EHMT1: variants seen among roughly 807,000 people sequenced by gnomAD.
The protein encoded by EHMT1 is euchromatic histone lysine methyltransferase 1.
A neutral mutation model predicts 147.2 loss-of-function variants in EHMT1; 15 were observed. That is an observed-to-expected ratio of 0.10 (90% CI 0.07 to 0.16). EHMT1 has a LOEUF of 0.16. Ranked by LOEUF, EHMT1 falls within the 10% of genes least tolerant of loss-of-function variation. The pLI is 1.00. For missense variants in EHMT1, 1,587 were observed against 1,772.4 expected (o/e 0.90, Z 1.88); for synonymous variants, 795 against 709.6 (o/e 1.12, Z -1.91).
At chr9:137,673,698 T>C (rs1940934020) in intron 1 of EHMT1, among the ~76,000 whole-genome samples, 1 of 152,252 alleles carries the variant, frequency 6.6e-6, no homozygotes, top group South Asian at 2.1e-4. Context: ...GGGCTGCCAG[T>C]GTTCATCAGT....
At chr9:137,750,733 G>A (rs937688233) in intron 6 of EHMT1, among the ~76,000 whole-genome samples, 16 of 152,216 alleles carry the variant, frequency 1.1e-4, no homozygotes, top group African/African-American at 3.1e-4. Flanking sequence ...CACAGTGGGG[G>A]ACACCGGAGC....
intron 1 of EHMT1, among the ~76,000 whole-genome samples, chr9:137,698,988 C>T (rs560129330): frequency 2.5e-4 from 38 of 151,488 alleles, no homozygotes; most frequent in Middle Eastern, 3.5e-3. Context: ...CAGGAGGCCA[C>T]GCACTGGGAA....
At chr9:137,667,251 A>C (rs544759329) in intron 1 of EHMT1, 1 of 152,348 alleles carries the variant, frequency 6.6e-6, no homozygotes, top group South Asian at 2.1e-4. Flanking sequence ...CTGATGCAGG[A>C]ATGTTTTTGA....
intron 9 of EHMT1, among the ~76,000 whole-genome samples, chr9:137,762,201 TGTA>T (rs1051612499): frequency 2.6e-5 from 4 of 152,232 alleles, no homozygotes; most frequent in African/African-American, 9.6e-5. Context: ...TTTGGACTAT[TGTA>T]GTAGGTGAGT....
At chr9:137,791,085 C>T (rs540326379) in intron 16 of EHMT1, 115 bp downstream of exon 16, 1 of 1,542,010 alleles carries the variant, frequency 6.5e-7, no homozygotes, top group Non-Finnish European at 8.9e-7. Flanking sequence ...ACACACTGAC[C>T]CAGTTGTCCA....
intron 1 of EHMT1, chr9:137,646,299 T>G: frequency 3.1e-6 from 3 of 967,674 alleles, no homozygotes; most frequent in Non-Finnish European, 3.7e-6. Flanking sequence ...AAATTTAAAA[T>G]GATGTCTGTG....
intron 10 of EHMT1, among the ~76,000 whole-genome samples, chr9:137,772,310 T>C (rs73576118): frequency 5.5e-4 from 84 of 152,208 alleles, no homozygotes; most frequent in African/African-American, 1.9e-3. Context: ...GGGGATACAT[T>C]TTACGTTTGT....
chr9:137,711,653 G>A (rs183975601), intron 2 of EHMT1, among the ~76,000 whole-genome samples: 10 of 152,102 alleles, frequency 6.6e-5, no homozygotes, highest in East Asian at 1.9e-4. Context: ...GAGGGGAGTC[G>A]GCGGGGCTGC....
rs751689390 is a variant in EHMT1, at chr9:137,813,464, C to T, written c.3114C>T (p.Tyr1038=). The part of the protein sequence containing the change: ...AVDSEPCPSN[Y]KYVSQNCVTS... ...ACAGCGAGCCATGCCCCAGCAACTA[C>T]AAGTACGTCTCTCAGAACTGCGTGA... The change falls in exon 21 of 27, where the codon TAC becomes TAT. Residue 1038 remains tyrosine (Y), a synonymous_variant. Coordinates refer to ENST00000460843, the MANE Select transcript of EHMT1 (RefSeq NM_024757.5). This position sits in a 1 kb window ranked among gnomAD's most constrained non-coding sequence, Gnocchi z 4.9. 1.9e-6 allele frequency: 3 copies of T among 1,614,092 alleles called. No homozygotes were observed. Among genetic ancestry groups the T allele is most frequent in the Non-Finnish European group, 2.5e-6 (3 of 1,180,034 alleles).
chr9:137,669,320 CGCCCCCACAGCACGTGG>C (rs1940136278), intron 1 of EHMT1, among the ~76,000 whole-genome samples: 3 of 146,076 alleles, frequency 2.1e-5, no homozygotes, highest in African/African-American at 5.1e-5. Flanking sequence ...CCTGGAAAGA[CGCCCCCACAGCACGTGG>C]ACCCCACACC....
rs1950869646 is a variant in EHMT1 at position 137,775,190 on chromosome 9, G to T, written c.1729G>T (p.Asp577Tyr). ...NKAPLLVLCE[D>Y]HRGRMVKHQC... is the part of the protein sequence containing the mutation. ...GGCCCCGCTCCTCGTGCTGTGTGAAGACCACCGGGGCCGCATGGTGAAGCA... is the reference window on the plus strand; with the variant it reads ...GGCCCCGCTCCTCGTGCTGTGTGAATACCACCGGGGCCGCATGGTGAAGCA... The change falls in exon 11 of 27, where the codon GAC becomes TAC. Residue 577 changes from aspartate to tyrosine, a missense_variant. Physicochemically the swap from Asp to Tyr is radical, Grantham distance 160. Coordinates refer to ENST00000460843, the MANE Select transcript of EHMT1 (RefSeq NM_024757.5). The surrounding 1 kb of genome is among the most constrained non-coding windows in gnomAD (Gnocchi z 6.1). 2 of 1,613,762 alleles carry T rather than the reference G, an allele frequency of 1.2e-6. No homozygotes were observed. Among genetic ancestry groups the T allele is most frequent in the Non-Finnish European group, 1.7e-6 (2 of 1,180,032 alleles).
Position 137,731,032 on chromosome 9 carries a change from T to C in EHMT1, c.823+2503T>C, listed in dbSNP as rs1033657399. Among the ~76,000 whole-genome samples the C allele has an allele frequency of 3.9e-5, 6 of 152,212 alleles. No individual in the cohort carries two copies. The highest frequency in any genetic ancestry group is 3.3e-4 in the Admixed American group (5 of 15,280). On this transcript the variant is annotated intron_variant, in intron 4 of 26. Transcript: ENST00000460843. The surrounding 1 kb of genome is among the most constrained non-coding windows in gnomAD (Gnocchi z 4.3). Reference sequence around the variant, plus strand: ...TAATGTCTGAAGAGTTGTTAAAGTGTTGAGATTTTCTTTTCCTATTTTAGC... The same window carrying C: ...TAATGTCTGAAGAGTTGTTAAAGTGCTGAGATTTTCTTTTCCTATTTTAGC...
intron 4 of EHMT1, among the ~76,000 whole-genome samples, chr9:137,739,885 GGT>G (rs1424313536): frequency 3.3e-5 from 5 of 152,124 alleles, no homozygotes; most frequent in Admixed American, 1.3e-4. Flanking sequence ...GAAGGAGGAC[GGT>G]GTCTCTGATG....
chr9:137,675,912 T>G lies in EHMT1; in HGVS notation c.22-35055T>G, dbSNP rs1245945217. Among the ~76,000 whole-genome samples the G allele has an allele frequency of 1.1e-4, 16 of 148,646 alleles. 1 individual carries two copies. The highest frequency in any genetic ancestry group is 4.0e-4 in the African/African-American group (16 of 40,364). The stretch of plus-strand genomic sequence containing the variant: ...CATTCTCCCGCCTCAGCCTCCCAAG[T>G]AGCTGGGACTACAGGCGCCCGCCAC... On this transcript the variant is annotated intron_variant, in intron 1 of 26. Coordinates refer to ENST00000460843, the MANE Select transcript of EHMT1 (RefSeq NM_024757.5).
intron 1 of EHMT1, among the ~76,000 whole-genome samples, chr9:137,700,224 T>C (rs748905133): frequency 1.3e-5 from 2 of 152,214 alleles, no homozygotes; most frequent in Non-Finnish European, 2.9e-5. Context: ...TTCTGAGCTG[T>C]GAATGTAACT....
Position 137,619,005 on chromosome 9 carries a change from G to A in EHMT1, c.-24G>A. 1.0e-6 allele frequency: 1 copy of A among 968,762 alleles called. No individual in the cohort carries two copies. The highest frequency in any genetic ancestry group is 1.2e-6 in the Non-Finnish European group (1 of 816,174). 60.0% of individuals were successfully genotyped at this position (968,762 alleles called of 1,614,324 possible). ...CGGGGCGATGGCGCGCGGGAGGGGC[G>A]GGGCCACGCTGCGGGCCCGGGCCAT... is the stretch of plus-strand genomic sequence containing the variant. On this transcript the variant is annotated 5_prime_UTR_variant, in exon 1 of 27. Transcript: ENST00000460843.
chr9:137,703,146 G>A (rs1159810889), intron 1 of EHMT1, among the ~76,000 whole-genome samples: 1 of 152,212 alleles, frequency 6.6e-6, no homozygotes, highest in Non-Finnish European at 1.5e-5. Context: ...CATGTACTGA[G>A]GTTGCACAGA....
intron 1 of EHMT1, among the ~76,000 whole-genome samples, chr9:137,678,074 T>A (rs1432602371): frequency 3.4e-5 from 5 of 148,972 alleles, no homozygotes; most frequent in East Asian, 1.9e-4. Context: ...GTCTCAAAAA[T>A]AATAATAATA....
intron 18 of EHMT1, among the ~76,000 whole-genome samples, chr9:137,802,131 C>T (rs548126994): frequency 6.6e-6 from 1 of 152,330 alleles, no homozygotes; most frequent in South Asian, 2.1e-4. Context: ...AGGGTGTTCA[C>T]TAGAAGATCT....
Sources: gnomAD v4.1 joint callset for allele counts (sites outside exome capture counted in the v4.1 genomes callset) on GRCh38, gnomAD v4.1.1 for gene constraint, Gnocchi (gnomAD v3.1) non-coding constraint, MANE v1.5 for transcripts, NCBI Gene and HGNC (gene_info 2026-07-23, HGNC 2026-07-21) for gene names.